Variants in IQANK1 observed in about 807,000 individuals in gnomAD.
IQANK1 encodes the protein IQ motif and ankyrin repeat domain-containing protein 1.
In IQANK1, 30 loss-of-function variants were observed where a neutral mutation model predicts 22.6. The ratio of observed to expected loss-of-function variants is 1.33; its 90% CI spans 0.99 to 1.80. The LOEUF (loss-of-function observed/expected upper bound fraction) is 1.80. Ranked by LOEUF, IQANK1 falls within the 40% of genes most tolerant of loss-of-function variation. IQANK1 has a pLI of 0.00. For synonymous variants in IQANK1, 122 were observed against 99.6 expected (o/e 1.23, Z -1.34); for missense variants, 275 against 235.2 (o/e 1.17, Z -1.11).
At position 143,782,665 on chromosome 8, in the gene IQANK1, C is replaced by T. The variant is rs571083821; in HGVS notation, c.790-6250C>T. 8.5e-5 allele frequency among the ~76,000 whole-genome samples: 13 copies of T among 152,234 alleles called. No homozygotes were observed. The South Asian group carries it at 2.3e-3, about 27-fold the overall frequency. On this transcript the variant is annotated intron_variant, in intron 7 of 13. Coordinates refer to ENST00000527139, the MANE Select transcript of IQANK1 (RefSeq NM_001381874.1). ...CCAGCTAATTTTGTATTAGTAGAGA[C>T]AGGGTTTCTTCATGTTGGACAGGCT...
intron 3 of IQANK1, among the ~76,000 whole-genome samples, chr8:143,748,920 TATAA>T (rs1819116338): frequency 1.1e-5 from 1 of 91,906 alleles, no homozygotes; most frequent in African/African-American, 3.8e-5. Context: ...TATATCTATA[TATAA>T]ATATATAAAA....
chr8:143,755,066 G>A (rs1281400135), intron 3 of IQANK1, among the ~76,000 whole-genome samples: 3 of 152,166 alleles, frequency 2.0e-5, no homozygotes, highest in African/African-American at 7.2e-5. Context: ...ATGAATACCA[G>A]GAGAAAGGAT....
At chr8:143,742,455 C>T (rs781802886) in intron 3 of IQANK1, 7 of 455,890 alleles carry the variant, frequency 1.5e-5, no homozygotes, top group East Asian at 1.4e-4. Flanking sequence ...GCAAAAGGGG[C>T]GAATGCGATG....
chr8:143,785,673 C>G (rs1819872072), intron 7 of IQANK1, among the ~76,000 whole-genome samples: 2 of 151,786 alleles, frequency 1.3e-5, no homozygotes, highest in East Asian at 1.9e-4. Flanking sequence ...GATCCTCCTG[C>G]CCCAGCTTCC....
At chr8:143,751,840 C>T (rs1370145552) in intron 3 of IQANK1, among the ~76,000 whole-genome samples, 1 of 151,362 alleles carries the variant, frequency 6.6e-6, no homozygotes, top group African/African-American at 2.4e-5. Context: ...TGGTAACAAA[C>T]TCCTTCAGCT....
At chr8:143,764,935 C>T (rs1040665652) in intron 3 of IQANK1, among the ~76,000 whole-genome samples, 4 of 152,340 alleles carry the variant, frequency 2.6e-5, no homozygotes, top group Admixed American at 2.6e-4. Flanking sequence ...ATGTCACCAA[C>T]ACTATTGCAT....
chr8:143,777,164 G>A lies in IQANK1; in HGVS notation c.789+4682G>A, dbSNP rs527352552. 6.6e-5 allele frequency among the ~76,000 whole-genome samples: 10 copies of A among 151,152 alleles called. No homozygotes were observed. In the South Asian group the frequency reaches 1.9e-3, roughly 28 times the overall value. ...TATATACACACACATATATATTATC[G>A]TATATATACATATATATGCACATAC... On this transcript the variant is annotated intron_variant, in intron 7 of 13. Coordinates refer to ENST00000527139, the MANE Select transcript of IQANK1 (RefSeq NM_001381874.1).
intron 3 of IQANK1, among the ~76,000 whole-genome samples, chr8:143,754,589 G>C (rs1819254235): frequency 6.6e-6 from 1 of 152,130 alleles, no homozygotes; most frequent in South Asian, 2.1e-4. Flanking sequence ...GCAAGGGAGA[G>C]AGTCTGCCAT....
chr8:143,745,171 G>A (rs555157394), intron 3 of IQANK1: 1 of 152,392 alleles, frequency 6.6e-6, no homozygotes, highest in South Asian at 2.1e-4. Flanking sequence ...GCAGCTGTGA[G>A]TCTGAATTTC....
At chr8:143,748,623 A>C (rs1379352483) in intron 3 of IQANK1, among the ~76,000 whole-genome samples, 12 of 126,952 alleles carry the variant, frequency 9.5e-5, no homozygotes, top group African/African-American at 3.5e-4. Context: ...ATAAATATAT[A>C]ATATATCATA....
chr8:143,771,823 G>T lies in IQANK1; in HGVS notation c.329G>T (p.Arg110Leu). The T allele has an allele frequency of 2.5e-6, 1 of 395,918 alleles. No homozygotes were observed. Among genetic ancestry groups the T allele is most frequent in the Non-Finnish European group, 4.5e-6 (1 of 224,340 alleles). The allele number at this position is 395,918 out of a possible 1,614,324, so 24.5% of individuals were successfully genotyped here. A position where few individuals can be genotyped will look rare whatever the true frequency, so the allele number is the denominator to read the frequency against. The change falls in exon 5 of 14, where the codon CGG becomes CTG. Residue 110 changes from arginine (R) to leucine (L), a missense_variant. By Grantham distance (102) the Arg-to-Leu change is moderately radical (BLOSUM62 -2). Coordinates refer to ENST00000527139, the MANE Select transcript of IQANK1 (RefSeq NM_001381874.1). This position sits in a 1 kb window ranked among gnomAD's most constrained non-coding sequence, Gnocchi z 6.0. Reference sequence around the variant, plus strand: ...CAGGCCTACCTGGCTCCGGTGCGCCGGGAGCAGGAGGCCGCGCGGCGGCTG... The same window carrying T: ...CAGGCCTACCTGGCTCCGGTGCGCCTGGAGCAGGAGGCCGCGCGGCGGCTG... ...QKEAYLAPVRREQEAARRLRE... is the reference protein window; with the variant it reads ...QKEAYLAPVRLEQEAARRLRE...
chr8:143,768,287 T>C (rs1587485340), intron 3 of IQANK1, among the ~76,000 whole-genome samples: 1 of 152,226 alleles, frequency 6.6e-6, no homozygotes, highest in East Asian at 1.9e-4. Context: ...GTCTCACCGC[T>C]TGTGACGTTG....
At position 143,735,787 on chromosome 8, in the gene IQANK1, A is replaced by ACTGCCC; in HGVS notation, c.-4-56_-4-51dup. 2 of 697,694 alleles carry ACTGCCC rather than the reference A, an allele frequency of 2.9e-6. No individual in the cohort carries two copies. Among genetic ancestry groups the ACTGCCC allele is most frequent in the Admixed American group, 2.0e-5 (1 of 49,848 alleles). The allele number at this position is 697,694 out of a possible 1,614,324, so 43.2% of individuals were successfully genotyped here. A position where few individuals can be genotyped will look rare whatever the true frequency, so the allele number is the denominator to read the frequency against. ...ATGGTGTGCCCTGTTCCCCACTGCCACTGCCCCTGCCCTCTGCCACTCTGA... is the reference window on the plus strand; with the variant it reads ...ATGGTGTGCCCTGTTCCCCACTGCCACTGCCCCTGCCCCTGCCCTCTGCCACTCTGA... On this transcript the variant is annotated intron_variant, in intron 1 of 13. Transcript: ENST00000527139. This position sits in a 1 kb window ranked among gnomAD's most constrained non-coding sequence, Gnocchi z 5.2.
At chr8:143,749,184 A>AATATATATCATATATAAATATATC (rs1391466934) in intron 3 of IQANK1, among the ~76,000 whole-genome samples, 2 of 123,838 alleles carry the variant, frequency 1.6e-5, no homozygotes, top group South Asian at 2.3e-4. Context: ...ATAATATATA[A>AATATATATCATATATAAATATATC]ATATATATCA....
rs76974223 is a variant in IQANK1 at position 143,783,839 on chromosome 8, C to T, written c.790-5076C>T. ...CACCCACAGTCTTTGTGAAAGACTG[C>T]CCTCCTCACTCTACACCATCAACTG... On this transcript the variant is annotated intron_variant, in intron 7 of 13. Coordinates refer to ENST00000527139, the MANE Select transcript of IQANK1 (RefSeq NM_001381874.1). Among the ~76,000 whole-genome samples the T allele has an allele frequency of 1.6e-3, 235 of 147,608 alleles. 2 individuals carry two copies. Among genetic ancestry groups the T allele is most frequent in the African/African-American group, 5.6e-3 (225 of 40,000 alleles).
At chr8:143,776,092 C>T (rs1279139886) in intron 7 of IQANK1, among the ~76,000 whole-genome samples, 7 of 151,660 alleles carry the variant, frequency 4.6e-5, no homozygotes, top group African/African-American at 1.7e-4. Flanking sequence ...GAGGCCGAGG[C>T]GGGCAGATTA....
chr8:143,736,460 C>T (rs955344966), intron 2 of IQANK1, among the ~76,000 whole-genome samples: 7 of 152,162 alleles, frequency 4.6e-5, no homozygotes, highest in South Asian at 2.1e-4. Context: ...GAATCTTATA[C>T]CCCTGGGGTT....
chr8:143,771,865 C>T lies in IQANK1; in HGVS notation c.371C>T (p.Ala124Val). Residue 124 changes from alanine to valine, a missense_variant, in exon 5 of 14, where the codon GCG becomes GTG. Coordinates refer to ENST00000527139, the MANE Select transcript of IQANK1 (RefSeq NM_001381874.1). This position sits in a 1 kb window ranked among gnomAD's most constrained non-coding sequence, Gnocchi z 6.0. ...CGGCGGCTGCGCGAGCAGGAGGAGG[C>T]GGCGCAGCGGGAGCGGCGGGAGGAG... ...AARRLREQEE[A>V]AQRERREELQ... 1 of 393,742 alleles carries T rather than the reference C, an allele frequency of 2.5e-6. No individual in the cohort carries two copies. The highest frequency in any genetic ancestry group is 4.5e-6 in the Non-Finnish European group (1 of 223,332). 24.4% of individuals were successfully genotyped at this position (393,742 alleles called of 1,614,324 possible).
At chr8:143,759,500 C>T (rs1819355814) in intron 3 of IQANK1, 1 of 152,366 alleles carries the variant, frequency 6.6e-6, no homozygotes, top group South Asian at 2.1e-4. Context: ...CAGCCCCATC[C>T]TTGTGAATGA....
Sources: allele counts gnomAD v4.1 joint callset (sites outside exome capture counted in the v4.1 genomes callset), GRCh38; gene constraint gnomAD v4.1.1; non-coding constraint Gnocchi (gnomAD v3.1); transcripts MANE v1.5; gene names NCBI Gene and HGNC (gene_info 2026-07-23, HGNC 2026-07-21).